Variants in MYZAP observed in about 807,000 individuals in gnomAD.
MYZAP encodes myocardial zonula adherens protein.
Under a neutral mutation model 69.4 loss-of-function variants are expected in MYZAP, and 66 were observed. That is an observed-to-expected ratio of 0.95 (90% confidence interval 0.78 to 1.17). The LOEUF is 1.17. MYZAP is among the 50% of genes most tolerant of loss of function. The pLI is 0.00. For synonymous variants in MYZAP, 256 were observed against 205.9 expected (o/e 1.24, Z -2.09); for missense variants, 611 against 556.2 (o/e 1.10, Z -0.99).
At chr15:57,652,670 C>A (rs1183210092) in intron 10 of MYZAP, among the ~76,000 whole-genome samples, 6 of 152,108 alleles carry the variant, frequency 3.9e-5, no homozygotes, top group Admixed American at 6.5e-5. Flanking sequence ...GATCAAGAGG[C>A]TGGGTTAAAG....
chr15:57,592,435 G>T (rs1567194882), intron 1 of MYZAP, among the ~76,000 whole-genome samples: 1 of 152,188 alleles, frequency 6.6e-6, no homozygotes, highest in Non-Finnish European at 1.5e-5. Context: ...TCCCTACCTT[G>T]AGACTCAAAA....
intron 11 of MYZAP, among the ~76,000 whole-genome samples, chr15:57,672,932 T>C (rs2038936885): frequency 6.6e-6 from 1 of 152,172 alleles, no homozygotes; most frequent in South Asian, 2.1e-4. Flanking sequence ...ATCGTTCTAT[T>C]ATTTGCTGCT....
At chr15:57,662,447 G>A (rs1404009159) in intron 11 of MYZAP, among the ~76,000 whole-genome samples, 2 of 152,208 alleles carry the variant, frequency 1.3e-5, no homozygotes, top group African/African-American at 2.4e-5. Context: ...GTGTAACACA[G>A]AAGTTAAGAG....
chr15:57,673,463 CGTGTGTGTGTGTGTGTGTGT>C (rs3051249), intron 11 of MYZAP, among the ~76,000 whole-genome samples: 17 of 102,664 alleles, frequency 1.7e-4, no homozygotes, highest in African/African-American at 4.4e-4. Context: ...TGCGTGCATG[CGTGTGTGTGTGTGTGTGTGT>C]GTGTGTGTGT....
At chr15:57,592,198 A>T (rs1437544870) in intron 1 of MYZAP, 89 bp downstream of exon 1, 1 of 1,160,164 alleles carries the variant, frequency 8.6e-7, no homozygotes, top group Non-Finnish European at 1.1e-6. Context: ...AAAGCTCGGG[A>T]GCCAGCACCT....
chr15:57,621,205 CT>C (rs61201214), intron 3 of MYZAP, among the ~76,000 whole-genome samples: 8,412 of 127,192 alleles, frequency 0.066, 159 homozygotes, highest in Admixed American at 0.12. Flanking sequence ...CTTTCTTTTT[CT>C]TTTTTTTTTT....
intron 10 of MYZAP, 145 bp downstream of exon 10, chr15:57,639,690 T>A: frequency 1.2e-6 from 1 of 857,050 alleles, no homozygotes; most frequent in Non-Finnish European, 1.8e-6. Context: ...CAGAGTGGGA[T>A]TTCCCCACAT....
intron 11 of MYZAP, among the ~76,000 whole-genome samples, chr15:57,669,046 A>G (rs1274161313): frequency 6.6e-6 from 1 of 151,846 alleles, no homozygotes; most frequent in African/African-American, 2.4e-5. Flanking sequence ...GCATGCCACC[A>G]CGCTCGGCTA....
intron 3 of MYZAP, among the ~76,000 whole-genome samples, chr15:57,620,081 G>C (rs148686638): frequency 1.3e-5 from 2 of 151,968 alleles, no homozygotes; most frequent in African/African-American, 4.9e-5. Context: ...AGCAGCACAA[G>C]AGCCAGCTCA....
chr15:57,628,613 G>C (rs1417515909), intron 5 of MYZAP, among the ~76,000 whole-genome samples: 2 of 152,086 alleles, frequency 1.3e-5, no homozygotes, highest in Admixed American at 1.3e-4. Flanking sequence ...TACTTGTGCG[G>C]CTTGGAGCAA....
chr15:57,640,915 T>C (rs1232469956), intron 10 of MYZAP, among the ~76,000 whole-genome samples: 1 of 152,240 alleles, frequency 6.6e-6, no homozygotes, highest in Non-Finnish European at 1.5e-5. Context: ...GATCCTGCCC[T>C]ATCGTCAACA....
chr15:57,664,014 T>G (rs1414097234), intron 11 of MYZAP, among the ~76,000 whole-genome samples: 2 of 152,018 alleles, frequency 1.3e-5, no homozygotes, highest in African/African-American at 2.4e-5. Context: ...CTTAAACCTA[T>G]TCTAAAATAC....
intron 1 of MYZAP, chr15:57,599,396 A>G: frequency 2.8e-6 from 3 of 1,070,500 alleles, no homozygotes; most frequent in Non-Finnish European, 3.4e-6. Flanking sequence ...TAGTCCCTAA[A>G]AATATTTCAC....
chr15:57,659,568 A>T (rs1187848639), intron 10 of MYZAP, among the ~76,000 whole-genome samples: 1 of 152,204 alleles, frequency 6.6e-6, no homozygotes, highest in African/African-American at 2.4e-5. Context: ...AAATAACTTC[A>T]GTGTTACTGC....
At position 57,621,649 on chromosome 15, in the gene MYZAP, A is replaced by T; in HGVS notation, c.360A>T (p.Gly120=). The part of the protein sequence containing the change: ...TLEKVRKRMY[G]DYDEMRQKIR... The stretch of plus-strand genomic sequence containing the variant: ...AAAAGGTGAGAAAGCGAATGTATGG[A>T]GACTATGATGAGATGAGACAGAAGA... Residue 120 remains glycine (G), a synonymous_variant, in exon 4 of 13, where the codon GGA becomes GGT. Coordinates refer to ENST00000267853, the MANE Select transcript of MYZAP (RefSeq NM_001018100.5). The T allele has an allele frequency of 6.2e-7, 1 of 1,614,040 alleles. No individual in the cohort carries two copies. The highest frequency in any genetic ancestry group is 8.5e-7 in the Non-Finnish European group (1 of 1,179,930).
At chr15:57,652,721 C>T (rs936126000) in intron 10 of MYZAP, among the ~76,000 whole-genome samples, 4 of 152,152 alleles carry the variant, frequency 2.6e-5, no homozygotes, top group Non-Finnish European at 2.9e-5. Flanking sequence ...AGGGAGACGA[C>T]GGCTGAAGCC....
chr15:57,676,698 A>G (rs1207421191), intron 12 of MYZAP, among the ~76,000 whole-genome samples: 1 of 152,128 alleles, frequency 6.6e-6, no homozygotes, highest in Non-Finnish European at 1.5e-5. Context: ...TGAAACCAAT[A>G]AATTGTTTGT....
chr15:57,601,934 G>A (rs530005369), intron 1 of MYZAP, among the ~76,000 whole-genome samples: 1 of 152,254 alleles, frequency 6.6e-6, no homozygotes, highest in African/African-American at 2.4e-5. Flanking sequence ...GCCTTGGAGG[G>A]TGGCAATGGT....
At chr15:57,672,690 C>T (rs1294243956) in intron 11 of MYZAP, among the ~76,000 whole-genome samples, 2 of 152,202 alleles carry the variant, frequency 1.3e-5, no homozygotes, top group African/African-American at 4.8e-5. Context: ...CTTGTAGTGG[C>T]ATACATAGCC....
Sources: allele counts gnomAD v4.1 joint callset (sites outside exome capture counted in the v4.1 genomes callset), GRCh38; gene constraint gnomAD v4.1.1; transcripts MANE v1.5; gene names NCBI Gene and HGNC (gene_info 2026-07-23, HGNC 2026-07-21).